Variants in ARHGAP15 observed in about 807,000 individuals in gnomAD.
ARHGAP15 encodes rho GTPase-activating protein 15.
A neutral mutation model predicts 63.7 loss-of-function variants in ARHGAP15; 51 were observed. That is an observed-to-expected ratio of 0.80 (90% confidence interval 0.64 to 1.01). The LOEUF (loss-of-function observed/expected upper bound fraction) is 1.01. Among genes scored for constraint, ARHGAP15 ranks in the 50% least tolerant of loss-of-function variants. The pLI, the probability that ARHGAP15 is intolerant of heterozygous loss-of-function variation, is 0.00. For synonymous variants in ARHGAP15, 191 were observed against 193.8 expected, an observed-to-expected ratio of 0.99 and a Z score of 0.12; for missense variants, 560 against 564.6, an observed-to-expected ratio of 0.99 and a Z score of 0.08.
intron 8 of ARHGAP15, among the ~76,000 whole-genome samples, chr2:143,471,286 T>C (rs1271972042): frequency 6.7e-6 from 1 of 148,362 alleles, no homozygotes; most frequent in Non-Finnish European, 1.5e-5. Flanking sequence ...AGCATGCATT[T>C]ATTTTTGTTT....
chr2:143,248,539 G>A (rs1210845516), intron 5 of ARHGAP15, among the ~76,000 whole-genome samples: 2 of 152,124 alleles, frequency 1.3e-5, no homozygotes, highest in East Asian at 3.9e-4. Flanking sequence ...TCCTTTTCTA[G>A]CTGGGTAACC....
At chr2:143,530,077 A>G (rs1411611025) in intron 10 of ARHGAP15, among the ~76,000 whole-genome samples, 2 of 152,198 alleles carry the variant, frequency 1.3e-5, no homozygotes, top group Admixed American at 6.6e-5. Flanking sequence ...CCACTCATCC[A>G]TGCCTCTATC....
chr2:143,227,559 A>G (rs1442525248), intron 4 of ARHGAP15, among the ~76,000 whole-genome samples: 2 of 152,314 alleles, frequency 1.3e-5, no homozygotes, highest in African/African-American at 4.8e-5. Context: ...TTTGACTTCT[A>G]ATTAATGGAA....
In ARHGAP15 at chr2:143,250,635, T is replaced by C. The variant is rs780078632; in HGVS notation, c.474+35T>C. On this transcript the variant is annotated intron_variant, in intron 6 of 13. Coordinates refer to ENST00000295095, the MANE Select transcript of ARHGAP15 (RefSeq NM_018460.4). ...TTACATATATTCAATTTATTCCTAT[T>C]CTCTCTAAATCTGAGCTCTCTTGGG... is the stretch of plus-strand genomic sequence containing the variant. 12 of 1,541,492 alleles carry C rather than the reference T, an allele frequency of 7.8e-6. No homozygotes were observed. The East Asian group carries it at 2.8e-4, about 36-fold the overall frequency.
chr2:143,415,223 G>T (rs1213088211), intron 6 of ARHGAP15, among the ~76,000 whole-genome samples: 1 of 151,964 alleles, frequency 6.6e-6, no homozygotes, highest in African/African-American at 2.4e-5. Context: ...AAAAAAAATT[G>T]ATAAAATTGA....
At chr2:143,570,560 C>G (rs1405196801) in intron 11 of ARHGAP15, among the ~76,000 whole-genome samples, 1 of 152,100 alleles carries the variant, frequency 6.6e-6, no homozygotes, top group Non-Finnish European at 1.5e-5. Flanking sequence ...AGAGTTGGAC[C>G]ATTTTTTTAT....
chr2:143,247,510 A>G (rs1361590835), intron 5 of ARHGAP15: 1 of 152,230 alleles, frequency 6.6e-6, no homozygotes, highest in Non-Finnish European at 1.5e-5. Flanking sequence ...AGCACAACAG[A>G]TGCTGATGAG....
chr2:143,538,020 A>G (rs1341636440), intron 10 of ARHGAP15, among the ~76,000 whole-genome samples: 8 of 152,272 alleles, frequency 5.3e-5, no homozygotes, highest in South Asian at 2.1e-4. Context: ...AGCATAGAAT[A>G]TTCTTCCATT....
chr2:143,338,234 G>A (rs1172989278), intron 6 of ARHGAP15, among the ~76,000 whole-genome samples: 1 of 152,166 alleles, frequency 6.6e-6, no homozygotes, highest in African/African-American at 2.4e-5. Context: ...CAAGAGCAGA[G>A]TGATTAAGTA....
chr2:143,150,581 G>C (rs1331533704), intron 1 of ARHGAP15, among the ~76,000 whole-genome samples: 1 of 152,000 alleles, frequency 6.6e-6, no homozygotes, highest in Non-Finnish European at 1.5e-5. Flanking sequence ...GAAGTCTAGA[G>C]AATAGTGAAG....
chr2:143,202,631 G>A (rs1418480553), intron 3 of ARHGAP15, among the ~76,000 whole-genome samples: 8 of 152,170 alleles, frequency 5.3e-5, no homozygotes, highest in Admixed American at 2.6e-4. Flanking sequence ...AAAGCAATAC[G>A]CCATCAGCTT....
At chr2:143,207,876 T>G (rs987392893) in intron 3 of ARHGAP15, among the ~76,000 whole-genome samples, 1 of 152,134 alleles carries the variant, frequency 6.6e-6, no homozygotes, top group Admixed American at 6.6e-5. Context: ...TGAAGTTTTC[T>G]TTACATCTGA....
chr2:143,465,227 G>A (rs1024289943), intron 8 of ARHGAP15, among the ~76,000 whole-genome samples: 1 of 152,128 alleles, frequency 6.6e-6, no homozygotes, highest in African/African-American at 2.4e-5. Context: ...ACAAAAGCCT[G>A]GAGAAGAGAA....
chr2:143,641,873 T>C (rs1455491436), intron 12 of ARHGAP15, among the ~76,000 whole-genome samples: 1 of 152,070 alleles, frequency 6.6e-6, no homozygotes, highest in East Asian at 1.9e-4. Context: ...CTTAGGACAT[T>C]TTCAGAGATA....
At chr2:143,595,340 C>T (rs980967555) in intron 11 of ARHGAP15, among the ~76,000 whole-genome samples, 1 of 152,066 alleles carries the variant, frequency 6.6e-6, no homozygotes, top group Non-Finnish European at 1.5e-5. Flanking sequence ...GTCAGGACAG[C>T]AATGGTTGAC....
intron 11 of ARHGAP15, among the ~76,000 whole-genome samples, chr2:143,596,915 C>T (rs1272828879): frequency 6.6e-6 from 1 of 152,068 alleles, no homozygotes; most frequent in East Asian, 1.9e-4. Context: ...AAGTAATATT[C>T]TAACTATAAA....
intron 6 of ARHGAP15, among the ~76,000 whole-genome samples, chr2:143,313,095 C>A (rs2105195294): frequency 6.6e-6 from 1 of 151,902 alleles, no homozygotes; most frequent in Non-Finnish European, 1.5e-5. Context: ...GGAAAAATTC[C>A]TAACTGTATG....
chr2:143,640,425 T>C (rs1680548481), intron 12 of ARHGAP15, among the ~76,000 whole-genome samples: 1 of 152,102 alleles, frequency 6.6e-6, no homozygotes, highest in South Asian at 2.1e-4. Context: ...CCTTCTGAGC[T>C]CTGTTATACA....
intron 4 of ARHGAP15, among the ~76,000 whole-genome samples, chr2:143,220,349 C>A (rs1377229326): frequency 6.6e-6 from 1 of 152,102 alleles, no homozygotes; most frequent in Non-Finnish European, 1.5e-5. Flanking sequence ...GCTGGGACCA[C>A]AGGTACACAC....
Sources: gnomAD v4.1 joint callset for allele counts (sites outside exome capture counted in the v4.1 genomes callset) on GRCh38, gnomAD v4.1.1 for gene constraint, MANE v1.5 for transcripts, NCBI Gene and HGNC (gene_info 2026-07-23, HGNC 2026-07-21) for gene names.